Variants in PLOD2 observed in about 807,000 individuals in gnomAD.
The protein encoded by PLOD2 is lysine hydroxylase 2.
A neutral mutation model predicts 101.0 loss-of-function variants in PLOD2; 65 were observed. The observed-to-expected ratio is 0.64, with a 90% confidence interval of 0.53 to 0.79. PLOD2 has a LOEUF of 0.79. PLOD2 is among the 30% of genes least tolerant of loss of function. The probability of loss-of-function intolerance (pLI) is 0.00; values close to 1 mark genes in which losing one functional copy is unlikely to be tolerated. For synonymous variants in PLOD2, 314 were observed against 302.9 expected (o/e 1.04, Z -0.38); for missense variants, 909 against 914.6 (o/e 0.99, Z 0.08).
intron 1 of PLOD2, among the ~76,000 whole-genome samples, chr3:146,148,338 G>GCGCACACGCGCA (rs71633958): frequency 1.4e-5 from 2 of 146,448 alleles, no homozygotes; most frequent in Admixed American, 1.4e-4. Flanking sequence ...AGGCAGGCAC[G>GCGCACACGCGCA]CACACACACA....
Position 146,131,676 on chromosome 3 carries a change from C to A in PLOD2, c.110-7447G>T, listed in dbSNP as rs183549143. Among the ~76,000 whole-genome samples, 421 of 152,230 alleles carry A rather than the reference C, an allele frequency of 2.8e-3. 2 individuals are homozygous for A. The highest frequency in any genetic ancestry group is 9.7e-3 in the African/African-American group (403 of 41,560). On this transcript the variant is annotated intron_variant, in intron 1 of 19. Transcript: ENST00000282903. ...AAAACAAGACTTATCCAGGATCCTG[C>A]AGTTAAGTGGTAACCAATCTAAGAC...
At chr3:146,092,551 A>C (rs1390271067) in intron 7 of PLOD2, among the ~76,000 whole-genome samples, 1 of 152,126 alleles carries the variant, frequency 6.6e-6, no homozygotes, top group African/African-American at 2.4e-5. Context: ...TCCTAGTGAC[A>C]GTAAGCTAAA....
At chr3:146,152,591 T>C (rs1263180265) in intron 1 of PLOD2, among the ~76,000 whole-genome samples, 1 of 152,080 alleles carries the variant, frequency 6.6e-6, no homozygotes, top group Non-Finnish European at 1.5e-5. Flanking sequence ...GTCATCTGTG[T>C]AAAAGAAAGT....
At chr3:146,160,358 C>T (rs534239589) in intron 1 of PLOD2, among the ~76,000 whole-genome samples, 2 of 152,310 alleles carry the variant, frequency 1.3e-5, no homozygotes, top group Admixed American at 6.5e-5. Flanking sequence ...ACTGGGTAGC[C>T]AGGCAGCCTT....
Position 146,161,107 on chromosome 3 carries a change from C to G in PLOD2, c.-118G>C, listed in dbSNP as rs929423024. ...GCCGCCGATTGCGGGCGGGAGCCGG[C>G]GGGCAAGGCGCGCGGCCGGCAGCCG... On this transcript the variant is annotated 5_prime_UTR_variant, in exon 1 of 20. Transcript: ENST00000282903. The G allele has an allele frequency of 5.6e-5, 30 of 540,130 alleles. No homozygotes were observed. The highest frequency in any genetic ancestry group is 5.9e-5 in the Non-Finnish European group (20 of 341,420). 33.5% of individuals were successfully genotyped at this position (540,130 alleles called of 1,614,324 possible).
chr3:146,104,787 C>A (rs925905516), intron 5 of PLOD2, among the ~76,000 whole-genome samples: 8 of 152,262 alleles, frequency 5.3e-5, no homozygotes, highest in African/African-American at 1.7e-4. Flanking sequence ...TCCCTCAACT[C>A]CCCAATAAGG....
At chr3:146,112,227 A>G (rs186154382) in intron 3 of PLOD2, among the ~76,000 whole-genome samples, 35 of 152,362 alleles carry the variant, frequency 2.3e-4, no homozygotes, top group Admixed American at 5.2e-4. Flanking sequence ...TATTTACAAT[A>G]GCAAAGACTT....
At chr3:146,141,076 A>T (rs530732491) in intron 1 of PLOD2, among the ~76,000 whole-genome samples, 58 of 152,236 alleles carry the variant, frequency 3.8e-4, no homozygotes, top group Non-Finnish European at 7.2e-4. Context: ...TACATAAACT[A>T]GATAAATAAT....
rs761233477 is a variant in PLOD2 at position 146,085,247 on chromosome 3, C to A, written c.1154G>T (p.Cys385Phe). The A allele has an allele frequency of 6.2e-7, 1 of 1,604,520 alleles. No homozygotes were observed. The highest frequency in any genetic ancestry group is 2.2e-5 in the East Asian group (1 of 44,690). ...GMDFCRQDEK[C>F]DYYFSVDADV... ...TGCATCCACACTAAAGTAATAATCA[C>A]ACTTTTCATCCTGACGGCAAAAGTC... Residue 385 changes from cysteine to phenylalanine, a missense_variant, in exon 11 of 20, where the codon TGT becomes TTT. Transcript: ENST00000282903.
At chr3:146,160,648 C>A (rs1007662658) in intron 1 of PLOD2, 6 of 546,202 alleles carry the variant, frequency 1.1e-5, no homozygotes, top group African/African-American at 7.7e-5. Flanking sequence ...GAAATTCGGG[C>A]ACGCTGAGTT....
Position 146,077,870 on chromosome 3 carries a change from G to T in PLOD2, c.1555C>A (p.Pro519Thr). The change falls in exon 14 of 20, where the codon CCC becomes ACC. Residue 519 changes from proline to threonine, a missense_variant. By Grantham distance (38) the Pro-to-Thr change is conservative (BLOSUM62 -1). Coordinates refer to ENST00000282903, the MANE Select transcript of PLOD2 (RefSeq NM_182943.3). The part of the protein sequence containing the change: ...PTPETFQMLS[P>T]PKGVFMYISN... ...ATAAGTAAAAATAACACCTTTGGGG[G>T]GCTGAGCATTTGGAATGTTTCCGGA... 6.3e-7 allele frequency: 1 copy of T among 1,582,588 alleles called. No individual in the cohort carries two copies. The highest frequency in any genetic ancestry group is 8.7e-7 in the Non-Finnish European group (1 of 1,153,592).
At chr3:146,149,076 T>A (rs1219863046) in intron 1 of PLOD2, among the ~76,000 whole-genome samples, 1 of 152,222 alleles carries the variant, frequency 6.6e-6, no homozygotes, top group Non-Finnish European at 1.5e-5. Flanking sequence ...TTGCCAGCAC[T>A]CAGCAGTGGC....
intron 14 of PLOD2, 142 bp downstream of exon 14, chr3:146,077,720 G>A (rs926025135): frequency 1.4e-5 from 8 of 569,422 alleles, no homozygotes; most frequent in African/African-American, 1.9e-5. Flanking sequence ...CACAAAACAC[G>A]CAAACACACA....
rs148757012 is a variant in PLOD2 at position 146,134,769 on chromosome 3, T to C, written c.110-10540A>G. 1.0e-3 allele frequency among the ~76,000 whole-genome samples: 157 copies of C among 151,966 alleles called. 2 individuals are homozygous for C. Among genetic ancestry groups the C allele is most frequent in the Middle Eastern group, 6.8e-3 (2 of 294 alleles). ...CCAATTCGCATATGAATAAGGAGAG[T>C]TGCCCTGGAGCAGAAAGCTTGAGTT... is the stretch of plus-strand genomic sequence containing the variant. On this transcript the variant is annotated intron_variant, in intron 1 of 19. Coordinates refer to ENST00000282903, the MANE Select transcript of PLOD2 (RefSeq NM_182943.3).
At chr3:146,130,501 C>T (rs2030846907) in intron 1 of PLOD2, among the ~76,000 whole-genome samples, 1 of 152,146 alleles carries the variant, frequency 6.6e-6, no homozygotes, top group African/African-American at 2.4e-5. Context: ...AATTAGACCT[C>T]CAGAGCTTAT....
rs145094590 is a variant in PLOD2 at position 146,100,875 on chromosome 3, T to C, written c.777+1880A>G. 3.3e-5 allele frequency among the ~76,000 whole-genome samples: 5 copies of C among 152,056 alleles called. No homozygotes were observed. The East Asian group carries it at 7.7e-4, about 24-fold the overall frequency. On this transcript the variant is annotated intron_variant, in intron 7 of 19. Transcript: ENST00000282903. ...TATATAGGTGAGTAGAGTGACAGGG[T>C]TTCTGCTTTGGCAGAATACTCTAGT...
rs1342808405 is a variant in PLOD2 at position 146,084,810 on chromosome 3, C to T, written c.1232+359G>A. 3.9e-5 allele frequency among the ~76,000 whole-genome samples: 6 copies of T among 151,910 alleles called. No individual in the cohort carries two copies. The East Asian group carries it at 1.2e-3, about 30-fold the overall frequency. On this transcript the variant is annotated intron_variant, in intron 11 of 19. Transcript: ENST00000282903. ...ATACTAAGGACTACAACTCTGTATG[C>T]AATAACTATCTTGGTCAGAAGTTTT...
chr3:146,096,968 G>GCCCGGCCAGCCGC (rs1937201519), intron 7 of PLOD2, among the ~76,000 whole-genome samples: 1 of 141,048 alleles, frequency 7.1e-6, no homozygotes. Flanking sequence ...GGACCCCTCT[G>GCCCGGCCAGCCGC]CCCGGCCAGC....
intron 3 of PLOD2, among the ~76,000 whole-genome samples, chr3:146,113,805 C>T (rs1367595002): frequency 2.0e-5 from 3 of 152,110 alleles, no homozygotes; most frequent in East Asian, 1.9e-4. Context: ...AGGATAACAG[C>T]GATGTTCAGG....
Sources: allele counts gnomAD v4.1 joint callset (sites outside exome capture counted in the v4.1 genomes callset), GRCh38; gene constraint gnomAD v4.1.1; transcripts MANE v1.5; gene names NCBI Gene and HGNC (gene_info 2026-07-23, HGNC 2026-07-21).